CD300LB: variants seen among roughly 807,000 people sequenced by gnomAD.
CD300LB encodes CMRF35-like molecule 7.
Under a neutral mutation model 20.8 loss-of-function variants are expected in CD300LB, and 18 were observed. The ratio of observed to expected loss-of-function variants is 0.87; its 90% CI spans 0.60 to 1.28. CD300LB has a LOEUF of 1.28. CD300LB is among the 50% of genes most tolerant of loss of function. The probability of loss-of-function intolerance (pLI) is 0.00; values close to 1 mark genes in which losing one functional copy is unlikely to be tolerated. For synonymous variants in CD300LB, 91 were observed against 91.3 expected (o/e 1.00, Z 0.02); for missense variants, 222 against 251.8 (o/e 0.88, Z 0.80).
At chr17:74,523,755 T>C in intron 2 of CD300LB, 104 bp from the exon 3 acceptor site, 2 of 753,548 alleles carry the variant, frequency 2.7e-6, no homozygotes, top group Non-Finnish European at 2.4e-6. Context: ...AAGACCCTTT[T>C]CCCTGGAGTA....
At chr17:74,525,606 C>T (rs1317501174) in intron 2 of CD300LB, 142 bp downstream of exon 2, 10 of 734,544 alleles carry the variant, frequency 1.4e-5, no homozygotes, top group African/African-American at 1.2e-4. Flanking sequence ...AGTTTGTCTG[C>T]CTGTCTGTCT....
chr17:74,529,892 T>C (rs1291944295), intron 1 of CD300LB, among the ~76,000 whole-genome samples: 1 of 152,228 alleles, frequency 6.6e-6, no homozygotes, highest in Non-Finnish European at 1.5e-5. Context: ...TTGAACAAAG[T>C]GTCATCAATC....
At chr17:74,526,158 G>A in intron 1 of CD300LB, 81 bp from the exon 2 acceptor site, 1 of 1,528,918 alleles carries the variant, frequency 6.5e-7, no homozygotes, top group South Asian at 1.3e-5. Context: ...TCTGGGCCTT[G>A]GATGGAGAAA....
At position 74,526,039 on chromosome 17, in the gene CD300LB, G is replaced by T. The variant is rs534302161; in HGVS notation, c.79C>A (p.Pro27Thr). 28 of 1,614,002 alleles carry T rather than the reference G, an allele frequency of 1.7e-5. No individual in the cohort carries two copies. Among genetic ancestry groups the T allele is most frequent in the Non-Finnish European group, 2.3e-5 (27 of 1,179,940 alleles). The change falls in exon 2 of 4, where the codon CCA (proline) becomes ACA (threonine). Residue 27 changes from proline (P) to threonine (T), a missense_variant. By Grantham distance (38) the Pro-to-Thr change is conservative (BLOSUM62 -1). Transcript: ENST00000392621. ...SIQGPESVRA[P>T]EQGSLTVQCH... ...TGAACCGTCAGGGACCCCTGCTCTG[G>T]GGCTCTCACAGACTCTGGGCCTTGG... is the stretch of plus-strand genomic sequence containing the variant.
chr17:74,526,042 C>A lies in CD300LB; in HGVS notation c.76G>T (p.Ala26Ser), dbSNP rs199893448. 5.5e-5 allele frequency: 88 copies of A among 1,614,028 alleles called. 1 individual carries two copies. The East Asian group carries it at 1.9e-3, about 35-fold the overall frequency. ...ACCGTCAGGGACCCCTGCTCTGGGGCTCTCACAGACTCTGGGCCTTGGATG... is the reference window on the plus strand; with the variant it reads ...ACCGTCAGGGACCCCTGCTCTGGGGATCTCACAGACTCTGGGCCTTGGATG... ...FSIQGPESVRAPEQGSLTVQC... is the reference protein window; with the variant it reads ...FSIQGPESVRSPEQGSLTVQC... Residue 26 changes from alanine to serine, a missense_variant, in exon 2 of 4, where the codon GCC becomes TCC. Coordinates refer to ENST00000392621, the MANE Select transcript of CD300LB (RefSeq NM_174892.4).
Position 74,521,627 on chromosome 17 carries a change from G to T in CD300LB, c.*1111C>A. 2 of 985,452 alleles carry T rather than the reference G, an allele frequency of 2.0e-6. No individual in the cohort carries two copies. Among genetic ancestry groups the T allele is most frequent in the Non-Finnish European group, 2.4e-6 (2 of 829,960 alleles). The allele number at this position is 985,452 out of a possible 1,614,324, so 61.0% of individuals were successfully genotyped here. On this transcript the variant is annotated 3_prime_UTR_variant, in exon 4 of 4. Coordinates refer to ENST00000392621, the MANE Select transcript of CD300LB (RefSeq NM_174892.4). ...CCCTCTCCTTTATCCACTGCTGACA[G>T]TCAGTACTCCCTATTAGAACCAAGA... is the stretch of plus-strand genomic sequence containing the variant.
chr17:74,524,175 A>G (rs947938118), intron 2 of CD300LB, among the ~76,000 whole-genome samples: 3 of 152,218 alleles, frequency 2.0e-5, no homozygotes, highest in Non-Finnish European at 4.4e-5. Flanking sequence ...GAGCAACCAT[A>G]TAGGCAATTT....
rs889072904 is a variant in CD300LB at position 74,523,294 on chromosome 17, A to T, written c.443+285T>A. The T allele has an allele frequency of 2.6e-5, 14 of 538,720 alleles. No individual in the cohort carries two copies. In the South Asian group the frequency reaches 3.2e-4, roughly 12 times the overall value. The allele number at this position is 538,720 out of a possible 1,614,324, so 33.4% of individuals were successfully genotyped here. ...CTTGCACCACAGAGGGTGGTATCTT[A>T]TCTCCCCCTGGCACCCATTAGGCCA... On this transcript the variant is annotated intron_variant, in intron 3 of 3. Coordinates refer to ENST00000392621, the MANE Select transcript of CD300LB (RefSeq NM_174892.4).
In CD300LB at chr17:74,521,401, T is replaced by G; in HGVS notation, c.*1337A>C. 2 of 985,576 alleles carry G rather than the reference T, an allele frequency of 2.0e-6. No individual in the cohort carries two copies. Among genetic ancestry groups the G allele is most frequent in the Non-Finnish European group, 2.4e-6 (2 of 830,030 alleles). The allele number at this position is 985,576 out of a possible 1,614,324, so 61.1% of individuals were successfully genotyped here. A position where few individuals can be genotyped will look rare whatever the true frequency, so the allele number is the denominator to read the frequency against. On this transcript the variant is annotated 3_prime_UTR_variant, in exon 4 of 4. Transcript: ENST00000392621. ...CCAGGAGGTAGGGCCCTGGGGCTGG[T>G]GGACTGTGGGTCTTGGTCCCTCACA...
At chr17:74,525,640 T>TC in intron 2 of CD300LB, 108 bp downstream of exon 2, 8 of 925,148 alleles carry the variant, frequency 8.6e-6, no homozygotes, top group African/African-American at 3.3e-5. Flanking sequence ...TCTCTCTCTC[T>TC]TAGGCTCACC....
At chr17:74,523,301 C>T (rs1019573936) in intron 3 of CD300LB, 3 of 547,160 alleles carry the variant, frequency 5.5e-6, no homozygotes, top group African/African-American at 1.9e-5. Flanking sequence ...CTTATCTCCC[C>T]CTGGCACCCA....
chr17:74,524,446 G>A (rs1430199955), intron 2 of CD300LB, among the ~76,000 whole-genome samples: 1 of 152,110 alleles, frequency 6.6e-6, no homozygotes, highest in Non-Finnish European at 1.5e-5. Context: ...AAATGAACCA[G>A]GCGTGGTCAT....
In CD300LB at chr17:74,522,124, G is replaced by C; in HGVS notation, c.*614C>G. On this transcript the variant is annotated 3_prime_UTR_variant, in exon 4 of 4. Coordinates refer to ENST00000392621, the MANE Select transcript of CD300LB (RefSeq NM_174892.4). ...GGAGGACAAGCACCGGGCCGGGCCA[G>C]GGAGGTTCCCATTGCCTCCTCAGCC... 1.0e-6 allele frequency: 1 copy of C among 985,398 alleles called. No individual in the cohort carries two copies. The highest frequency in any genetic ancestry group is 1.2e-6 in the Non-Finnish European group (1 of 829,968). The allele number at this position is 985,398 out of a possible 1,614,324, so 61.0% of individuals were successfully genotyped here. A position where few individuals can be genotyped will look rare whatever the true frequency, so the allele number is the denominator to read the frequency against.
intron 1 of CD300LB, among the ~76,000 whole-genome samples, chr17:74,526,712 T>TAGAAAA (rs1226560458): frequency 6.6e-6 from 1 of 152,088 alleles, no homozygotes; most frequent in South Asian, 2.1e-4. Flanking sequence ...GACTCTTGTC[T>TAGAAAA]AGAAAAAGAA....
rs1598127761 is a variant in CD300LB, at chr17:74,525,995, T to C, written c.123A>G (p.Gly41=). ...SLTVQCHYKQ[G]WETYIKWWCR... ...ACCACCACTTAATGTAGGTCTCCCATCCTTGCTTATAGTGGCATTGAACCG... is the reference window on the plus strand; with the variant it reads ...ACCACCACTTAATGTAGGTCTCCCACCCTTGCTTATAGTGGCATTGAACCG... The change falls in exon 2 of 4, where the codon GGA becomes GGG. Residue 41 remains glycine (G), a synonymous_variant. Transcript: ENST00000392621. 1.2e-6 allele frequency: 2 copies of C among 1,614,130 alleles called. No homozygotes were observed. The highest frequency in any genetic ancestry group is 2.2e-5 in the South Asian group (2 of 91,076).
Position 74,521,293 on chromosome 17 carries a change from G to A in CD300LB, c.*1445C>T. The A allele has an allele frequency of 2.1e-6, 2 of 935,584 alleles. No homozygotes were observed. The allele number at this position is 935,584 out of a possible 1,614,324, so 58.0% of individuals were successfully genotyped here. ...CTGAGTCCAGCTGGTGAAGCACCAT[G>A]CTTTGGCTTTCCCTCCCGCGGAGCG... On this transcript the variant is annotated 3_prime_UTR_variant, in exon 4 of 4. Coordinates refer to ENST00000392621, the MANE Select transcript of CD300LB (RefSeq NM_174892.4).
Position 74,522,062 on chromosome 17 carries a change from G to C in CD300LB, c.*676C>G. 1.0e-6 allele frequency: 1 copy of C among 985,470 alleles called. No individual in the cohort carries two copies. Among genetic ancestry groups the C allele is most frequent in the African/African-American group, 1.7e-5 (1 of 57,336 alleles). 61.0% of individuals were successfully genotyped at this position (985,470 alleles called of 1,614,324 possible). ...CCTCGGAGGTGGGGGAATAGGCAGG[G>C]AGCTTGGGGAGCTAGGAGGAGGAAG... On this transcript the variant is annotated 3_prime_UTR_variant, in exon 4 of 4. Coordinates refer to ENST00000392621, the MANE Select transcript of CD300LB (RefSeq NM_174892.4).
Position 74,521,919 on chromosome 17 carries a change from T to C in CD300LB, c.*819A>G. On this transcript the variant is annotated 3_prime_UTR_variant, in exon 4 of 4. Coordinates refer to ENST00000392621, the MANE Select transcript of CD300LB (RefSeq NM_174892.4). Reference sequence around the variant, plus strand: ...CATCACCGAAAAGGGAGGGTGCCATTTCCTGCGATGGTTTTCGTTACTGCC... The same window carrying C: ...CATCACCGAAAAGGGAGGGTGCCATCTCCTGCGATGGTTTTCGTTACTGCC... 1 of 985,462 alleles carries C rather than the reference T, an allele frequency of 1.0e-6. No individual in the cohort carries two copies. The highest frequency in any genetic ancestry group is 1.2e-6 in the Non-Finnish European group (1 of 829,936). The allele number at this position is 985,462 out of a possible 1,614,324, so 61.0% of individuals were successfully genotyped here.
Position 74,521,223 on chromosome 17 carries a change from G to T in CD300LB, c.*1515C>A. On this transcript the variant is annotated 3_prime_UTR_variant, in exon 4 of 4. Transcript: ENST00000392621. ...GAATATCAACAGGAAGAAACGGTGGGAAAAGAATGACATCACGTTGACAAG... is the reference window on the plus strand; with the variant it reads ...GAATATCAACAGGAAGAAACGGTGGTAAAAGAATGACATCACGTTGACAAG... The T allele has an allele frequency of 3.6e-6, 1 of 281,578 alleles. No homozygotes were observed. The allele number at this position is 281,578 out of a possible 1,614,324, so 17.4% of individuals were successfully genotyped here. A position where few individuals can be genotyped will look rare whatever the true frequency, so the allele number is the denominator to read the frequency against.
Sources: allele counts gnomAD v4.1 joint callset (sites outside exome capture counted in the v4.1 genomes callset), GRCh38; gene constraint gnomAD v4.1.1; transcripts MANE v1.5; gene names NCBI Gene and HGNC (gene_info 2026-07-23, HGNC 2026-07-21).